The following GRIA4 variants were observed in gnomAD, a reference collection of about 807,000 sequenced individuals.
GRIA4 encodes the protein glutamate ionotropic receptor AMPA type subunit 4.
In GRIA4, 34 loss-of-function variants were observed where a neutral mutation model predicts 104.0. The ratio of observed to expected loss-of-function variants is 0.33; its 90% CI spans 0.25 to 0.44. GRIA4 has a LOEUF of 0.44. Among genes scored for constraint, GRIA4 ranks in the 20% least tolerant of loss-of-function variants. The pLI, the probability that GRIA4 is intolerant of heterozygous loss-of-function variation, is 1.00. For synonymous variants in GRIA4, 386 were observed against 381.9 expected (o/e 1.01, Z -0.13); for missense variants, 750 against 1,096.5 (o/e 0.68, Z 4.46).
At chr11:105,752,535 G>T (rs1266854233) in intron 3 of GRIA4, among the ~76,000 whole-genome samples, 1 of 152,086 alleles carries the variant, frequency 6.6e-6, no homozygotes, top group East Asian at 1.9e-4. Flanking sequence ...TTAGGCAGGA[G>T]GGCAAAAGGT....
At chr11:105,960,001 C>T (rs951110353) in intron 14 of GRIA4, among the ~76,000 whole-genome samples, 1 of 152,216 alleles carries the variant, frequency 6.6e-6, no homozygotes, top group Admixed American at 6.5e-5. Flanking sequence ...TCTTCTAGGA[C>T]CTCTCACCTT....
chr11:105,900,478 A>G (rs1946814290), intron 7 of GRIA4, among the ~76,000 whole-genome samples: 1 of 152,008 alleles, frequency 6.6e-6, no homozygotes, highest in Admixed American at 6.6e-5. Context: ...TTCTACCTCA[A>G]AAGTCCTCCA....
intron 4 of GRIA4, among the ~76,000 whole-genome samples, chr11:105,858,574 C>G (rs893915193): frequency 2.0e-5 from 3 of 151,874 alleles, no homozygotes; most frequent in Non-Finnish European, 2.9e-5. Flanking sequence ...CTTTAGTCAC[C>G]CTGTTGTGCT....
At chr11:105,888,157 G>A (rs530881310) in intron 6 of GRIA4, among the ~76,000 whole-genome samples, 14 of 151,916 alleles carry the variant, frequency 9.2e-5, no homozygotes, top group African/African-American at 3.1e-4. Context: ...TAGTGTAGGG[G>A]GTAGATTATG....
At position 105,924,933 on chromosome 11, in the gene GRIA4, T is replaced by C. The variant is rs374677525; in HGVS notation, c.1847+164T>C. Among the ~76,000 whole-genome samples the C allele has an allele frequency of 1.3e-4, 20 of 152,084 alleles. 1 individual carries two copies. Among genetic ancestry groups the C allele is most frequent in the African/African-American group, 3.4e-4 (14 of 41,424 alleles). ...CAATTTCTTCCAAGTTAGCACAAAA[T>C]ATGGATATATCATAAATATTAACTT... On this transcript the variant is annotated intron_variant, in intron 12 of 16. Coordinates refer to ENST00000282499, the MANE Select transcript of GRIA4 (RefSeq NM_000829.4).
At chr11:105,826,675 T>G (rs1010487503) in intron 4 of GRIA4, among the ~76,000 whole-genome samples, 2 of 152,136 alleles carry the variant, frequency 1.3e-5, no homozygotes, top group East Asian at 3.9e-4. Flanking sequence ...GGAAGTCACA[T>G]ATTTCTCGCC....
At chr11:105,666,524 TC>T (rs1358649818) in intron 3 of GRIA4, among the ~76,000 whole-genome samples, 1 of 151,946 alleles carries the variant, frequency 6.6e-6, no homozygotes, top group African/African-American at 2.4e-5. Context: ...AAATAATGCA[TC>T]TATTCAACTG....
At chr11:105,774,651 C>A (rs1432035468) in intron 4 of GRIA4, among the ~76,000 whole-genome samples, 3 of 151,944 alleles carry the variant, frequency 2.0e-5, no homozygotes, top group Non-Finnish European at 4.4e-5. Context: ...TAAAAATATT[C>A]AACTCTATTC....
intron 4 of GRIA4, among the ~76,000 whole-genome samples, chr11:105,802,783 C>A (rs1009650282): frequency 8.4e-5 from 12 of 143,406 alleles, no homozygotes; most frequent in African/African-American, 3.1e-4. Flanking sequence ...TTGAAAAAAA[C>A]AACATTTATT....
intron 4 of GRIA4, among the ~76,000 whole-genome samples, chr11:105,815,177 C>G (rs1331924643): frequency 6.6e-6 from 1 of 152,168 alleles, no homozygotes; most frequent in African/African-American, 2.4e-5. Flanking sequence ...ACCAGCCTTC[C>G]TACCTGACAT....
chr11:105,948,595 G>GTTTTTTTTTTTT (rs3060323), intron 14 of GRIA4, among the ~76,000 whole-genome samples: 2 of 87,870 alleles, frequency 2.3e-5, no homozygotes, highest in Non-Finnish European at 4.2e-5. Flanking sequence ...TTTTCTTTTT[G>GTTTTTTTTTTTT]TTTTTTTTTT....
At chr11:105,630,263 G>C (rs574787119) in intron 3 of GRIA4, among the ~76,000 whole-genome samples, 1 of 152,128 alleles carries the variant, frequency 6.6e-6, no homozygotes, top group Non-Finnish European at 1.5e-5. Flanking sequence ...GCTTATAATA[G>C]CATTAAATTA....
intron 3 of GRIA4, among the ~76,000 whole-genome samples, chr11:105,654,752 A>G (rs544413719): frequency 6.6e-6 from 1 of 152,290 alleles, no homozygotes; most frequent in South Asian, 2.1e-4. Context: ...AATGACTGAG[A>G]AAGTTCACAG....
intron 14 of GRIA4, among the ~76,000 whole-genome samples, chr11:105,950,631 T>C (rs1306455566): frequency 6.6e-6 from 1 of 152,196 alleles, no homozygotes; most frequent in Non-Finnish European, 1.5e-5. Flanking sequence ...TTGGTAATGC[T>C]TTTCAAAGAA....
intron 5 of GRIA4, among the ~76,000 whole-genome samples, chr11:105,878,326 G>C (rs1397811192): frequency 6.6e-6 from 1 of 152,178 alleles, no homozygotes; most frequent in African/African-American, 2.4e-5. Context: ...GCCAACTGGA[G>C]CTCTCCTGTA....
chr11:105,849,407 G>C (rs1413615952), intron 4 of GRIA4, among the ~76,000 whole-genome samples: 1 of 152,180 alleles, frequency 6.6e-6, no homozygotes, highest in Non-Finnish European at 1.5e-5. Context: ...TTCTGAAGGA[G>C]ACACCTAGTG....
At chr11:105,889,795 T>C (rs1166582787) in intron 6 of GRIA4, among the ~76,000 whole-genome samples, 3 of 152,170 alleles carry the variant, frequency 2.0e-5, no homozygotes, top group Non-Finnish European at 1.5e-5. Context: ...AAAATATTTA[T>C]AGAACTAGTA....
intron 4 of GRIA4, among the ~76,000 whole-genome samples, chr11:105,770,354 CT>C (rs2135740907): frequency 1.3e-5 from 2 of 152,118 alleles, no homozygotes; most frequent in African/African-American, 4.8e-5. Context: ...TGGTCAATAT[CT>C]TTTTCCATTT....
At chr11:105,697,317 T>C (rs1229790635) in intron 3 of GRIA4, among the ~76,000 whole-genome samples, 1 of 152,110 alleles carries the variant, frequency 6.6e-6, no homozygotes, top group African/African-American at 2.4e-5. Context: ...AAAAAAAGCC[T>C]AAATGCATGT....
Sources: allele counts gnomAD v4.1 joint callset (sites outside exome capture counted in the v4.1 genomes callset), GRCh38; gene constraint gnomAD v4.1.1; transcripts MANE v1.5; gene names NCBI Gene and HGNC (gene_info 2026-07-23, HGNC 2026-07-21).